Variants in MYT1L observed in about 807,000 individuals in gnomAD.
The protein encoded by MYT1L is myelin transcription factor 1-like protein.
In MYT1L, 12 loss-of-function variants were observed where a neutral mutation model predicts 126.7. The ratio of observed to expected loss-of-function variants is 0.09; its 90% CI spans 0.06 to 0.15. The LOEUF is 0.15. Ranked by LOEUF, MYT1L falls within the 10% of genes least tolerant of loss-of-function variation. The pLI is 1.00. For missense variants in MYT1L, 979 were observed against 1,585.2 expected, an observed-to-expected ratio of 0.62 and a Z score of 6.49; for synonymous variants, 541 against 604.2, an observed-to-expected ratio of 0.90 and a Z score of 1.53.
At chr2:2,198,783 A>C (rs1418549033) in intron 2 of MYT1L, among the ~76,000 whole-genome samples, 1 of 152,054 alleles carries the variant, frequency 6.6e-6, no homozygotes, top group Non-Finnish European at 1.5e-5. Flanking sequence ...GCTTGAACCC[A>C]GGAGGCAGAG....
At chr2:2,095,793 C>T (rs1036859571) in intron 3 of MYT1L, among the ~76,000 whole-genome samples, 6 of 152,290 alleles carry the variant, frequency 3.9e-5, no homozygotes, top group East Asian at 1.9e-4. Flanking sequence ...ACCCCCTGAC[C>T]GCTCACACTC....
chr2:2,212,764 C>T (rs1462903024), intron 2 of MYT1L, among the ~76,000 whole-genome samples: 1 of 152,176 alleles, frequency 6.6e-6, no homozygotes, highest in Non-Finnish European at 1.5e-5. Context: ...CAGAACAACA[C>T]ATTTTAAAAC....
At chr2:2,290,723 C>T (rs1251327089) in intron 1 of MYT1L, among the ~76,000 whole-genome samples, 1 of 152,142 alleles carries the variant, frequency 6.6e-6, no homozygotes, top group African/African-American at 2.4e-5. Context: ...CAATTACCTG[C>T]GACCTTTGGA....
intron 2 of MYT1L, among the ~76,000 whole-genome samples, chr2:2,226,205 T>C (rs979782673): frequency 1.3e-5 from 2 of 152,164 alleles, no homozygotes; most frequent in Non-Finnish European, 1.5e-5. Context: ...CATTGAGTCC[T>C]AGTTGTGCGG....
intron 1 of MYT1L, among the ~76,000 whole-genome samples, chr2:2,300,775 T>C (rs1350921769): frequency 1.3e-5 from 2 of 152,188 alleles, no homozygotes; most frequent in African/African-American, 4.8e-5. Flanking sequence ...AAGCTTTCTT[T>C]GATTCACACA....
Position 1,910,152 on chromosome 2 carries a change from GAC to G in MYT1L, c.1817+86_1817+87del. The G allele has an allele frequency of 8.2e-7, 1 of 1,218,306 alleles. No individual in the cohort carries two copies. The highest frequency in any genetic ancestry group is 2.5e-5 in the East Asian group (1 of 40,602). The allele number at this position is 1,218,306 out of a possible 1,614,324, so 75.5% of individuals were successfully genotyped here. A position where few individuals can be genotyped will look rare whatever the true frequency, so the allele number is the denominator to read the frequency against. ...CAGTCCCTGCCCCTGCTGCTGTAGG[GAC>G]ATGCCCTGAGCGGGTGTCCCCAGCG... On this transcript the variant is annotated intron_variant, in intron 13 of 24. Coordinates refer to ENST00000647738, the MANE Select transcript of MYT1L (RefSeq NM_001303052.2). The surrounding 1 kb of genome is among the most constrained non-coding windows in gnomAD (Gnocchi z 4.8).
intron 18 of MYT1L, among the ~76,000 whole-genome samples, chr2:1,868,995 C>G (rs34862414): frequency 0.017 from 2,656 of 152,334 alleles, 42 homozygotes; most frequent in Non-Finnish European, 0.03. Context: ...GCCCAGGAAC[C>G]TTTGGAACAC....
intron 2 of MYT1L, among the ~76,000 whole-genome samples, chr2:2,272,106 G>A (rs879395777): frequency 6.6e-6 from 1 of 152,036 alleles, no homozygotes; most frequent in Non-Finnish European, 1.5e-5. Context: ...AGCTAAAGAC[G>A]ACAGTCACCC....
intron 1 of MYT1L, among the ~76,000 whole-genome samples, chr2:2,320,147 C>G (rs974300684): frequency 2.0e-5 from 3 of 152,010 alleles, no homozygotes; most frequent in African/African-American, 7.3e-5. Flanking sequence ...GAACTGCTAC[C>G]CCAGTGGCTG....
At chr2:1,823,504 G>T (rs2038856333) in intron 21 of MYT1L, among the ~76,000 whole-genome samples, 1 of 152,208 alleles carries the variant, frequency 6.6e-6, no homozygotes, top group African/African-American at 2.4e-5. Context: ...GGCAGCCTCT[G>T]AGCAGCTCCC....
At chr2:2,156,961 T>G (rs1406118799) in intron 3 of MYT1L, among the ~76,000 whole-genome samples, 7 of 152,218 alleles carry the variant, frequency 4.6e-5, no homozygotes, top group Admixed American at 4.6e-4. Flanking sequence ...TCCATTTGTT[T>G]CCATCCGTTT....
intron 4 of MYT1L, among the ~76,000 whole-genome samples, chr2:2,005,988 A>T (rs1001836496): frequency 4.6e-4 from 67 of 146,746 alleles, no homozygotes; most frequent in African/African-American, 1.7e-3. Context: ...TCTTTCCTGC[A>T]TGCGTTCTTT....
intron 14 of MYT1L, among the ~76,000 whole-genome samples, chr2:1,902,513 T>TC (rs2050485762): frequency 6.6e-6 from 1 of 152,190 alleles, no homozygotes. Flanking sequence ...GGCGAACTTC[T>TC]CAAGGGTGCC....
chr2:2,308,337 A>C (rs1359037041), intron 1 of MYT1L, among the ~76,000 whole-genome samples: 2 of 151,880 alleles, frequency 1.3e-5, no homozygotes, highest in Non-Finnish European at 2.9e-5. Context: ...ACACTTCACT[A>C]TACTCTACCT....
intron 3 of MYT1L, among the ~76,000 whole-genome samples, chr2:2,076,817 C>T (rs2075279426): frequency 6.6e-6 from 1 of 152,012 alleles, no homozygotes; most frequent in Admixed American, 6.5e-5. Context: ...ATGACACACA[C>T]ACACACGAGA....
At chr2:1,925,457 C>T (rs572712695) in intron 9 of MYT1L, among the ~76,000 whole-genome samples, 2 of 152,202 alleles carry the variant, frequency 1.3e-5, no homozygotes, top group Admixed American at 6.5e-5. Context: ...TTTGTTCCCC[C>T]CTACATTCTC....
chr2:2,047,547 G>T (rs1251448337), intron 4 of MYT1L, among the ~76,000 whole-genome samples: 35 of 152,192 alleles, frequency 2.3e-4, no homozygotes, highest in Admixed American at 2.3e-3. Context: ...TTCTCTGGGA[G>T]ATACATTGTA....
chr2:2,051,213 A>C (rs1367635459), intron 4 of MYT1L, among the ~76,000 whole-genome samples: 1 of 152,188 alleles, frequency 6.6e-6, no homozygotes, highest in African/African-American at 2.4e-5. Flanking sequence ...GTACGTGACA[A>C]CTGAATAGTA....
At chr2:2,223,940 G>A (rs1403552314) in intron 2 of MYT1L, among the ~76,000 whole-genome samples, 1 of 152,182 alleles carries the variant, frequency 6.6e-6, no homozygotes, top group Admixed American at 6.5e-5. Context: ...GGAGATGAAG[G>A]AAACGCAAAT....
Sources: allele counts gnomAD v4.1 joint callset (sites outside exome capture counted in the v4.1 genomes callset), GRCh38; gene constraint gnomAD v4.1.1; non-coding constraint Gnocchi (gnomAD v3.1); transcripts MANE v1.5; gene names NCBI Gene and HGNC (gene_info 2026-07-23, HGNC 2026-07-21).